The following LGR4 variants were observed in gnomAD, a reference collection of about 807,000 sequenced individuals.
The protein encoded by LGR4 is leucine rich repeat containing G protein-coupled receptor 4.
In LGR4, 44 loss-of-function variants were observed where a neutral mutation model predicts 84.8. That is an observed-to-expected ratio of 0.52 (90% CI 0.41 to 0.67). The LOEUF (loss-of-function observed/expected upper bound fraction) is 0.67. Ranked by LOEUF, LGR4 falls within the 30% of genes least tolerant of loss-of-function variation. The pLI, the probability that LGR4 is intolerant of heterozygous loss-of-function variation, is 0.00. For missense variants in LGR4, 1,032 were observed against 1,131.4 expected, an observed-to-expected ratio of 0.91 and a Z score of 1.26; for synonymous variants, 429 against 434.3, an observed-to-expected ratio of 0.99 and a Z score of 0.15.
rs1249453461 is a variant in LGR4 at position 27,385,296 on chromosome 11, T to C, written c.574A>G (p.Ile192Val). Residue 192 changes from isoleucine to valine, a missense_variant, in exon 5 of 18, where the codon ATC becomes GTC. Coordinates refer to ENST00000379214, the MANE Select transcript of LGR4 (RefSeq NM_018490.5). The part of the protein sequence containing the change: ...LTLALNKISS[I>V]PDFAFTNLSS... ...AGGTTGGTAAATGCAAAGTCAGGGA[T>C]GCTTGAGATCTTGTTGAGAGCCAGG... 6.2e-7 allele frequency: 1 copy of C among 1,600,360 alleles called. No homozygotes were observed. The highest frequency in any genetic ancestry group is 8.5e-7 in the Non-Finnish European group (1 of 1,172,608).
intron 1 of LGR4, among the ~76,000 whole-genome samples, chr11:27,432,572 G>A (rs888082335): frequency 6.6e-6 from 1 of 152,148 alleles, no homozygotes; most frequent in Non-Finnish European, 1.5e-5. Context: ...GACATATAAC[G>A]AAGAAGTTCT....
intron 1 of LGR4, among the ~76,000 whole-genome samples, chr11:27,439,963 T>C (rs1480300822): frequency 6.8e-6 from 1 of 147,020 alleles, no homozygotes. Context: ...AGGAGTGCAG[T>C]GGCACGATCT....
intron 9 of LGR4, 42 bp downstream of exon 9, chr11:27,380,598 C>G (rs762194059): frequency 7.8e-7 from 1 of 1,278,972 alleles, no homozygotes. Flanking sequence ...ACTAAAACAA[C>G]TGTATAAATA....
intron 1 of LGR4, among the ~76,000 whole-genome samples, chr11:27,417,265 A>T (rs184304813): frequency 1.3e-5 from 2 of 152,222 alleles, no homozygotes; most frequent in East Asian, 3.9e-4. Context: ...GAAAAAAAAA[A>T]TGATGGTGAT....
At chr11:27,380,859 A>C in intron 8 of LGR4, 36 bp downstream of exon 8, 1 of 1,330,958 alleles carries the variant, frequency 7.5e-7, no homozygotes. Context: ...AGCTTCACAT[A>C]ATTATACATT....
intron 1 of LGR4, among the ~76,000 whole-genome samples, chr11:27,431,618 C>T (rs748732646): frequency 6.6e-6 from 1 of 152,170 alleles, no homozygotes; most frequent in Non-Finnish European, 1.5e-5. Context: ...TGGGTTTGCT[C>T]TTCCTTCTGT....
At chr11:27,431,726 G>A (rs892211659) in intron 1 of LGR4, among the ~76,000 whole-genome samples, 2 of 152,060 alleles carry the variant, frequency 1.3e-5, no homozygotes, top group Non-Finnish European at 2.9e-5. Context: ...TTACTAATCC[G>A]TGTAAGATGA....
chr11:27,385,061 C>G (rs1863160834), intron 5 of LGR4, among the ~76,000 whole-genome samples, 192 bp downstream of exon 5: 1 of 152,152 alleles, frequency 6.6e-6, no homozygotes, highest in Non-Finnish European at 1.5e-5. Context: ...TAGGGAGATT[C>G]AACAATTATC....
chr11:27,454,459 T>C (rs1047794361), intron 1 of LGR4, among the ~76,000 whole-genome samples: 4 of 152,166 alleles, frequency 2.6e-5, no homozygotes, highest in African/African-American at 9.7e-5. Context: ...AAAGAATAGT[T>C]TGAATAAATA....
intron 2 of LGR4, among the ~76,000 whole-genome samples, chr11:27,406,771 A>G (rs748076551): frequency 5.3e-5 from 8 of 152,190 alleles, no homozygotes; most frequent in Non-Finnish European, 1.0e-4. Context: ...ATGCTTCCAA[A>G]GAAGTTAATA....
intron 2 of LGR4, among the ~76,000 whole-genome samples, chr11:27,398,726 G>C (rs980583015): frequency 6.6e-6 from 1 of 152,178 alleles, no homozygotes; most frequent in East Asian, 1.9e-4. Context: ...AGAAGACAGT[G>C]ACCACAGCCT....
intron 6 of LGR4, among the ~76,000 whole-genome samples, chr11:27,383,309 T>C (rs11029989): frequency 0.31 from 47,160 of 152,116 alleles, 7,468 homozygotes; most frequent in South Asian, 0.43. Flanking sequence ...CTTTTCCTTT[T>C]TGTAACAGAG....
intron 2 of LGR4, among the ~76,000 whole-genome samples, chr11:27,393,943 G>T (rs868770651): frequency 7.8e-6 from 1 of 128,026 alleles, no homozygotes; most frequent in African/African-American, 3.1e-5. Context: ...GAAGATTGGG[G>T]GGGGGGGGGG....
chr11:27,403,437 T>C (rs1270646250), intron 2 of LGR4, among the ~76,000 whole-genome samples: 1 of 152,178 alleles, frequency 6.6e-6, no homozygotes, highest in Non-Finnish European at 1.5e-5. Context: ...AGTGAGACCC[T>C]GTCTCAAAAA....
intron 1 of LGR4, among the ~76,000 whole-genome samples, chr11:27,432,358 G>A (rs565458067): frequency 6.6e-6 from 1 of 152,272 alleles, no homozygotes; most frequent in African/African-American, 2.4e-5. Context: ...GAAGATGTCT[G>A]CAATTGAATG....
intron 2 of LGR4, among the ~76,000 whole-genome samples, chr11:27,408,963 G>A (rs1462213210): frequency 1.3e-5 from 2 of 152,042 alleles, no homozygotes; most frequent in Non-Finnish European, 2.9e-5. Context: ...CACAATCTAT[G>A]TTTCTATATT....
intron 2 of LGR4, among the ~76,000 whole-genome samples, chr11:27,399,128 C>G (rs921827814): frequency 6.6e-6 from 1 of 152,124 alleles, no homozygotes; most frequent in Non-Finnish European, 1.5e-5. Flanking sequence ...TCAGGCTGGT[C>G]TCAAACTCCT....
intron 1 of LGR4, among the ~76,000 whole-genome samples, chr11:27,452,530 A>G (rs1224319280): frequency 1.3e-5 from 2 of 151,460 alleles, no homozygotes; most frequent in African/African-American, 2.4e-5. Flanking sequence ...TCATTTTCCT[A>G]TCTCCAACCC....
intron 5 of LGR4, 27 bp downstream of exon 5, chr11:27,385,226 A>G: frequency 1.4e-6 from 2 of 1,419,164 alleles, no homozygotes; most frequent in Non-Finnish European, 1.9e-6. Flanking sequence ...ACACAAATAT[A>G]TGGAATTAAA....
Sources: allele counts gnomAD v4.1 joint callset (sites outside exome capture counted in the v4.1 genomes callset), GRCh38; gene constraint gnomAD v4.1.1; transcripts MANE v1.5; gene names NCBI Gene and HGNC (gene_info 2026-07-23, HGNC 2026-07-21).